The following TAFA4 variants were observed in gnomAD, a reference collection of about 807,000 sequenced individuals.
The protein encoded by TAFA4 is chemokine-like protein TAFA-4.
In TAFA4, 20 loss-of-function variants were observed where a neutral mutation model predicts 21.1. That is an observed-to-expected ratio of 0.95 (90% confidence interval 0.67 to 1.38). The LOEUF (loss-of-function observed/expected upper bound fraction) is 1.38, where lower values mean the gene tolerates loss of function less well. Ranked by LOEUF, TAFA4 falls within the 40% of genes most tolerant of loss-of-function variation. The pLI is 0.00. For synonymous variants in TAFA4, 71 were observed against 67.4 expected, an observed-to-expected ratio of 1.05 and a Z score of -0.26; for missense variants, 211 against 180.9, an observed-to-expected ratio of 1.17 and a Z score of -0.95.
intron 1 of TAFA4, among the ~76,000 whole-genome samples, chr3:68,911,506 A>C (rs2089961724): frequency 6.6e-6 from 1 of 152,230 alleles, no homozygotes; most frequent in Non-Finnish European, 1.5e-5. Context: ...GAGAAACAGA[A>C]GCTGTGAGAG....
At chr3:68,820,384 T>G (rs1184390672) in intron 3 of TAFA4, among the ~76,000 whole-genome samples, 3 of 152,106 alleles carry the variant, frequency 2.0e-5, no homozygotes, top group African/African-American at 7.2e-5. Context: ...TATTACAGAC[T>G]TAAAAATTGC....
At chr3:68,903,563 T>C (rs1328658151) in intron 1 of TAFA4, among the ~76,000 whole-genome samples, 1 of 152,230 alleles carries the variant, frequency 6.6e-6, no homozygotes. Context: ...ACATATTCTA[T>C]ATCATAAAAT....
chr3:68,870,204 C>T (rs780749232), intron 3 of TAFA4, among the ~76,000 whole-genome samples: 19 of 151,858 alleles, frequency 1.3e-4, no homozygotes, highest in Non-Finnish European at 2.4e-4. Context: ...ATGAAGAAGA[C>T]ACACAAAAAA....
chr3:68,782,583 C>A, intron 3 of TAFA4, among the ~76,000 whole-genome samples: 1 of 151,794 alleles, frequency 6.6e-6, no homozygotes, highest in African/African-American at 2.4e-5. Flanking sequence ...CTGATACATG[C>A]TACAACATGA....
chr3:68,848,168 C>A (rs1704852789), intron 3 of TAFA4, among the ~76,000 whole-genome samples: 1 of 152,162 alleles, frequency 6.6e-6, no homozygotes, highest in Admixed American at 6.5e-5. Context: ...GAGTCTGACT[C>A]CAGTGCCTGC....
At chr3:68,887,771 A>G (rs557266107) in intron 1 of TAFA4, among the ~76,000 whole-genome samples, 38 of 152,232 alleles carry the variant, frequency 2.5e-4, no homozygotes, top group South Asian at 1.2e-3. Flanking sequence ...CTGAGGTCCC[A>G]CAGGTACCCC....
chr3:68,833,946 G>C (rs62256064), intron 3 of TAFA4, among the ~76,000 whole-genome samples: 68,498 of 151,968 alleles, frequency 0.45, 16,069 homozygotes, highest in African/African-American at 0.54. Flanking sequence ...TTCAGTGAAA[G>C]AATTAGTGTA....
intron 1 of TAFA4, among the ~76,000 whole-genome samples, chr3:68,905,182 G>A (rs1255306814): frequency 2.5e-5 from 3 of 117,836 alleles, no homozygotes; most frequent in African/African-American, 1.0e-4. Context: ...TTGTGAGACA[G>A]TCTTGCTCTG....
intron 3 of TAFA4, among the ~76,000 whole-genome samples, chr3:68,778,307 G>C (rs938714688): frequency 1.3e-5 from 2 of 152,060 alleles, no homozygotes; most frequent in Non-Finnish European, 2.9e-5. Context: ...AGTAAAAACA[G>C]GAACTTCATA....
intron 3 of TAFA4, among the ~76,000 whole-genome samples, chr3:68,783,131 C>A (rs1387619718): frequency 1.3e-5 from 2 of 152,258 alleles, no homozygotes; most frequent in Admixed American, 1.3e-4. Flanking sequence ...GAAATCTCTT[C>A]AACCTAATAA....
At chr3:68,825,133 G>A (rs1044491943) in intron 3 of TAFA4, among the ~76,000 whole-genome samples, 1 of 152,052 alleles carries the variant, frequency 6.6e-6, no homozygotes, top group African/African-American at 2.4e-5. Context: ...CCCTCTCCGT[G>A]CTGCCTCACA....
chr3:68,785,552 C>T (rs752934649), intron 3 of TAFA4, among the ~76,000 whole-genome samples: 3 of 152,124 alleles, frequency 2.0e-5, no homozygotes, highest in African/African-American at 7.2e-5. Flanking sequence ...GCCGGCCGGC[C>T]GCTCCTAATG....
intron 3 of TAFA4, among the ~76,000 whole-genome samples, chr3:68,839,707 G>A (rs190736027): frequency 9.9e-5 from 15 of 152,256 alleles, no homozygotes; most frequent in Admixed American, 8.5e-4. Context: ...TCCATTAGAG[G>A]AGTTAACTTT....
intron 3 of TAFA4, among the ~76,000 whole-genome samples, chr3:68,868,898 A>C (rs2089449923): frequency 1.3e-5 from 2 of 152,020 alleles, no homozygotes; most frequent in Admixed American, 1.3e-4. Context: ...GAAATAATGA[A>C]ATTGAAACTT....
rs79469344 is a variant in TAFA4 at position 68,894,158 on chromosome 3, CTTTT to C, written c.-122-8852_-122-8849del. ...TGTTGGTTCTTCCTGTTACTTGTTA[CTTTT>C]TTTTTTTTTTTTTGGAGACAGAGTC... On this transcript the variant is annotated intron_variant, in intron 1 of 5. Coordinates refer to ENST00000295569, the MANE Select transcript of TAFA4 (RefSeq NM_182522.5). Among the ~76,000 whole-genome samples the C allele has an allele frequency of 3.9e-4, 53 of 137,160 alleles. 1 individual carries two copies. Among genetic ancestry groups the C allele is most frequent in the South Asian group, 9.3e-4 (4 of 4,280 alleles). 90.0% of individuals were successfully genotyped at this position (137,160 alleles called of 152,430 possible). A position where few individuals can be genotyped will look rare whatever the true frequency, so the allele number is the denominator to read the frequency against.
At chr3:68,827,068 A>G (rs1269976812) in intron 3 of TAFA4, among the ~76,000 whole-genome samples, 1 of 131,552 alleles carries the variant, frequency 7.6e-6, no homozygotes, top group Non-Finnish European at 1.5e-5. Flanking sequence ...CCTGTGTGTA[A>G]TGTTCCTCTC....
intron 3 of TAFA4, among the ~76,000 whole-genome samples, chr3:68,800,268 A>G (rs1199509915): frequency 2.0e-5 from 3 of 152,174 alleles, no homozygotes; most frequent in African/African-American, 4.8e-5. Context: ...GTTGGGAACC[A>G]CTGCCCTAGA....
intron 3 of TAFA4, among the ~76,000 whole-genome samples, chr3:68,875,381 T>A (rs544268841): frequency 6.6e-6 from 1 of 152,286 alleles, no homozygotes; most frequent in Admixed American, 6.5e-5. Flanking sequence ...TCTGTGTTTT[T>A]CGTGCAAAAG....
At chr3:68,894,042 T>A (rs2089759465) in intron 1 of TAFA4, among the ~76,000 whole-genome samples, 1 of 152,066 alleles carries the variant, frequency 6.6e-6, no homozygotes. Context: ...AAAAGTTAAA[T>A]CAAAATATAC....
Sources: allele counts gnomAD v4.1 joint callset (sites outside exome capture counted in the v4.1 genomes callset), GRCh38; gene constraint gnomAD v4.1.1; transcripts MANE v1.5; gene names NCBI Gene and HGNC (gene_info 2026-07-23, HGNC 2026-07-21).